Variants in GRM8 observed in about 807,000 individuals in gnomAD.
GRM8 encodes the protein metabotropic glutamate receptor 8.
In GRM8, 47 loss-of-function variants were observed where a neutral mutation model predicts 87.2. That is an observed-to-expected ratio of 0.54 (90% CI 0.43 to 0.69). GRM8 has a LOEUF of 0.69. GRM8 is among the 30% of genes least tolerant of loss of function. GRM8 has a pLI of 0.00. For synonymous variants in GRM8, 396 were observed against 404.5 expected (o/e 0.98, Z 0.25); for missense variants, 1,019 against 1,139.2 (o/e 0.89, Z 1.52).
At chr7:126,510,529 T>C (rs148336638) in intron 9 of GRM8, among the ~76,000 whole-genome samples, 3 of 152,190 alleles carry the variant, frequency 2.0e-5, no homozygotes, top group African/African-American at 7.2e-5. Flanking sequence ...TCTGAAGGAC[T>C]TTTGAAGGAA....
chr7:126,534,985 G>A (rs748462517), intron 8 of GRM8, among the ~76,000 whole-genome samples: 6 of 152,160 alleles, frequency 3.9e-5, no homozygotes, highest in Non-Finnish European at 8.8e-5. Flanking sequence ...GAGGAATAAG[G>A]AGACAGCTTG....
chr7:126,628,917 G>A (rs1020834501), intron 7 of GRM8, among the ~76,000 whole-genome samples: 14 of 151,492 alleles, frequency 9.2e-5, no homozygotes, highest in African/African-American at 3.4e-4. Context: ...AGAAGAGGGA[G>A]GAGGAGGAAA....
At chr7:126,539,786 T>C (rs961152845) in intron 8 of GRM8, among the ~76,000 whole-genome samples, 6 of 151,854 alleles carry the variant, frequency 4.0e-5, no homozygotes, top group Admixed American at 1.3e-4. Flanking sequence ...CCTCACACTG[T>C]ATATAAAAAT....
At chr7:126,997,582 T>A (rs1586709294) in intron 3 of GRM8, among the ~76,000 whole-genome samples, 7 of 138,512 alleles carry the variant, frequency 5.1e-5, no homozygotes, top group African/African-American at 7.9e-5. Context: ...ACAAATAAAA[T>A]CAGAGAGAAA....
chr7:127,146,488 G>A (rs2133293091), intron 2 of GRM8, among the ~76,000 whole-genome samples: 1 of 152,044 alleles, frequency 6.6e-6, no homozygotes, highest in South Asian at 2.1e-4. Flanking sequence ...AGAGGAACAG[G>A]GAAACAAGGG....
chr7:127,075,802 G>A (rs1178117082), intron 3 of GRM8, among the ~76,000 whole-genome samples: 3 of 152,070 alleles, frequency 2.0e-5, no homozygotes, highest in Non-Finnish European at 4.4e-5. Context: ...ATGTTCACTG[G>A]GATCCTGAAA....
At chr7:127,164,889 T>C (rs964743153) in intron 2 of GRM8, among the ~76,000 whole-genome samples, 9 of 151,994 alleles carry the variant, frequency 5.9e-5, no homozygotes, top group African/African-American at 2.2e-4. Context: ...ACCTCAGTTT[T>C]ATCATCTGCA....
intron 9 of GRM8, among the ~76,000 whole-genome samples, chr7:126,448,474 T>C (rs1263334214): frequency 1.3e-5 from 2 of 151,976 alleles, no homozygotes; most frequent in African/African-American, 4.8e-5. Context: ...TTCTGCGATA[T>C]ATAGTAAATT....
At chr7:126,452,433 T>TAA (rs34338362) in intron 9 of GRM8, among the ~76,000 whole-genome samples, 39,359 of 143,742 alleles carry the variant, frequency 0.27, 5,717 homozygotes, top group Middle Eastern at 0.41. Flanking sequence ...TAAAGTATAA[T>TAA]AAAAAAAAAA....
intron 6 of GRM8, among the ~76,000 whole-genome samples, chr7:126,877,280 G>C (rs1799605482): frequency 6.6e-6 from 1 of 152,182 alleles, no homozygotes; most frequent in Non-Finnish European, 1.5e-5. Flanking sequence ...TGGCCTAGCA[G>C]TAAAGTTCTT....
At chr7:127,163,627 G>A (rs761156169) in intron 2 of GRM8, among the ~76,000 whole-genome samples, 9 of 151,850 alleles carry the variant, frequency 5.9e-5, no homozygotes, top group Admixed American at 1.3e-4. Flanking sequence ...TTTTCAAGTG[G>A]GCTTTACCTT....
At chr7:127,095,454 G>A (rs976301761) in intron 3 of GRM8, among the ~76,000 whole-genome samples, 2 of 152,142 alleles carry the variant, frequency 1.3e-5, no homozygotes, top group Admixed American at 6.5e-5. Context: ...TTGCATGTAA[G>A]AGAATACATG....
chr7:126,569,214 G>A (rs570361561), intron 8 of GRM8, among the ~76,000 whole-genome samples: 3 of 152,064 alleles, frequency 2.0e-5, no homozygotes, highest in Non-Finnish European at 2.9e-5. Context: ...TCTAAAGACT[G>A]GGTAGTTTCT....
At chr7:127,169,152 G>T (rs1793634900) in intron 2 of GRM8, among the ~76,000 whole-genome samples, 2 of 151,942 alleles carry the variant, frequency 1.3e-5, no homozygotes, top group African/African-American at 2.4e-5. Context: ...CGAAAGCTAG[G>T]CCTCTTGCAC....
At chr7:126,722,615 T>G (rs2151458046) in intron 7 of GRM8, among the ~76,000 whole-genome samples, 1 of 152,266 alleles carries the variant, frequency 6.6e-6, no homozygotes, top group South Asian at 2.1e-4. Context: ...ACTGCTTATA[T>G]TTTGAGCAGC....
chr7:126,452,342 G>A (rs1276905854), intron 9 of GRM8, among the ~76,000 whole-genome samples: 18 of 150,052 alleles, frequency 1.2e-4, no homozygotes, highest in Non-Finnish European at 2.7e-4. Flanking sequence ...TAAATGATGA[G>A]TTAATGGGTG....
At chr7:126,974,172 C>T (rs1029436948) in intron 3 of GRM8, among the ~76,000 whole-genome samples, 1 of 152,080 alleles carries the variant, frequency 6.6e-6, no homozygotes, top group Non-Finnish European at 1.5e-5. Flanking sequence ...GGCTTGGATC[C>T]CATCCCCCAG....
At chr7:127,015,182 A>AGAAGG (rs1815465815) in intron 3 of GRM8, among the ~76,000 whole-genome samples, 107 of 51,374 alleles carry the variant, frequency 2.1e-3, no homozygotes, top group African/African-American at 3.0e-3. Context: ...GAAGGAGAAG[A>AGAAGG]AGAAGAAGAA....
chr7:126,500,165 A>T (rs1160269374), intron 9 of GRM8, among the ~76,000 whole-genome samples: 5 of 151,782 alleles, frequency 3.3e-5, no homozygotes, highest in Non-Finnish European at 7.4e-5. Flanking sequence ...GAACACCAGA[A>T]CCTAGTCCTC....
Sources: allele counts gnomAD v4.1 joint callset (sites outside exome capture counted in the v4.1 genomes callset), GRCh38; gene constraint gnomAD v4.1.1; transcripts MANE v1.5; gene names NCBI Gene and HGNC (gene_info 2026-07-23, HGNC 2026-07-21).